Variants in MACROD2 observed in about 807,000 individuals in gnomAD.
MACROD2 encodes ADP-ribose glycohydrolase MACROD2.
Under a neutral mutation model 70.4 loss-of-function variants are expected in MACROD2, and 36 were observed. That is an observed-to-expected ratio of 0.51 (90% confidence interval 0.39 to 0.68). The LOEUF is 0.68. MACROD2 is among the 30% of genes least tolerant of loss of function. MACROD2 has a pLI of 0.00. For synonymous variants in MACROD2, 172 were observed against 178.8 expected (o/e 0.96, Z 0.30); for missense variants, 496 against 538.4 (o/e 0.92, Z 0.78).
chr20:15,534,986 G>GT (rs945816371), intron 8 of MACROD2, among the ~76,000 whole-genome samples: 1 of 151,916 alleles, frequency 6.6e-6, no homozygotes, highest in African/African-American at 2.4e-5. Context: ...ATATATATAT[G>GT]TTTTTTTGAG....
chr20:15,774,371 C>G (rs1404427306), intron 8 of MACROD2, among the ~76,000 whole-genome samples: 2 of 152,176 alleles, frequency 1.3e-5, no homozygotes, highest in Non-Finnish European at 2.9e-5. Flanking sequence ...CTCTCAGTGA[C>G]TCTTATTTAG....
rs772658447 is a variant in MACROD2, at chr20:16,049,860, G to T, written c.1331G>T (p.Arg444Ile). 3 of 1,554,346 alleles carry T rather than the reference G, an allele frequency of 1.9e-6. No homozygotes were observed. Among genetic ancestry groups the T allele is most frequent in the East Asian group, 2.5e-5 (1 of 40,124 alleles). ...AGAQDEAKEQ[R>I]NGTK ...GCACAAGATGAAGCGAAGGAACAAA[G>T]AAATGGAACTAAATGACAATCCTCA... Residue 444 changes from arginine to isoleucine, a missense_variant, in exon 18 of 18, where the codon AGA (arginine) becomes ATA (isoleucine). Coordinates refer to ENST00000684519, the MANE Select transcript of MACROD2 (RefSeq NM_001351661.2).
chr20:15,904,621 G>A (rs920541213), intron 10 of MACROD2, among the ~76,000 whole-genome samples: 4 of 151,892 alleles, frequency 2.6e-5, no homozygotes, highest in African/African-American at 4.8e-5. Context: ...GGCCAGGCGC[G>A]GTGGCTCACG....
At chr20:15,700,694 T>G (rs1447162142) in intron 8 of MACROD2, among the ~76,000 whole-genome samples, 1 of 152,192 alleles carries the variant, frequency 6.6e-6, no homozygotes, top group Non-Finnish European at 1.5e-5. Context: ...CTGTATTAGA[T>G]TAGTGGTTTT....
chr20:14,117,016 G>A (rs1335524661), intron 3 of MACROD2, among the ~76,000 whole-genome samples: 4 of 148,996 alleles, frequency 2.7e-5, no homozygotes, highest in Admixed American at 6.7e-5. Context: ...GCAGTGAGCC[G>A]AGATCGTGCC....
chr20:14,159,224 G>A (rs2055148886), intron 3 of MACROD2, among the ~76,000 whole-genome samples: 1 of 152,076 alleles, frequency 6.6e-6, no homozygotes, highest in Non-Finnish European at 1.5e-5. Context: ...GGCAACAAGA[G>A]TGAAACTCTG....
At chr20:15,169,783 C>A (rs1186713433) in intron 5 of MACROD2, among the ~76,000 whole-genome samples, 1 of 150,368 alleles carries the variant, frequency 6.7e-6, no homozygotes, top group Non-Finnish European at 1.5e-5. Flanking sequence ...TTTTTTTTTC[C>A]TTTTATCAGA....
intron 8 of MACROD2, among the ~76,000 whole-genome samples, chr20:15,750,676 G>A (rs2051255911): frequency 1.3e-5 from 2 of 151,918 alleles, no homozygotes; most frequent in Admixed American, 1.3e-4. Context: ...CATGTTTATT[G>A]CAGCCCTGTT....
intron 5 of MACROD2, among the ~76,000 whole-genome samples, chr20:14,693,452 TG>T (rs1555816803): frequency 5.9e-5 from 9 of 152,132 alleles, no homozygotes; most frequent in Non-Finnish European, 1.5e-5. Flanking sequence ...AAGTAGCAAA[TG>T]CTGAGTAAAA....
intron 5 of MACROD2, among the ~76,000 whole-genome samples, chr20:14,771,737 T>TACACACACAC (rs11472593): frequency 3.4e-4 from 49 of 145,632 alleles, no homozygotes; most frequent in African/African-American, 1.1e-3. Flanking sequence ...ATACTTATCC[T>TACACACACAC]ACACACACAC....
At chr20:15,709,978 A>G (rs1412983262) in intron 8 of MACROD2, among the ~76,000 whole-genome samples, 1 of 151,988 alleles carries the variant, frequency 6.6e-6, no homozygotes, top group Non-Finnish European at 1.5e-5. Flanking sequence ...CCACTGTTCT[A>G]CTCTCTACTT....
chr20:14,495,093 A>G (rs1370108255), intron 4 of MACROD2, among the ~76,000 whole-genome samples: 1 of 152,190 alleles, frequency 6.6e-6, no homozygotes, highest in Non-Finnish European at 1.5e-5. Context: ...GACTAATTAT[A>G]TTAGTTAAAA....
intron 8 of MACROD2, among the ~76,000 whole-genome samples, chr20:15,501,525 A>G (rs1302320169): frequency 1.3e-5 from 2 of 152,188 alleles, no homozygotes; most frequent in African/African-American, 2.4e-5. Flanking sequence ...GAAATTTTCT[A>G]ATCTAGTGTT....
chr20:15,231,033 T>A (rs2145983781), intron 6 of MACROD2, among the ~76,000 whole-genome samples: 1 of 152,176 alleles, frequency 6.6e-6, no homozygotes, highest in South Asian at 2.1e-4. Flanking sequence ...CATGAAGAAA[T>A]TTTGAGAAGC....
intron 6 of MACROD2, among the ~76,000 whole-genome samples, chr20:15,319,326 G>A (rs867326427): frequency 2.0e-5 from 3 of 152,074 alleles, no homozygotes; most frequent in Non-Finnish European, 4.4e-5. Flanking sequence ...TAAATGGAAG[G>A]CATCTAATGC....
At chr20:15,264,615 C>A (rs993828515) in intron 6 of MACROD2, among the ~76,000 whole-genome samples, 6 of 152,130 alleles carry the variant, frequency 3.9e-5, no homozygotes, top group African/African-American at 1.4e-4. Flanking sequence ...ACACTGCAGA[C>A]AAAGGATGTC....
chr20:16,020,449 T>A (rs1240612681), intron 15 of MACROD2, among the ~76,000 whole-genome samples: 1 of 151,932 alleles, frequency 6.6e-6, no homozygotes, highest in Non-Finnish European at 1.5e-5. Context: ...TAATTCAGAA[T>A]AATCCTTAAT....
At chr20:14,194,601 C>T (rs1478237247) in intron 3 of MACROD2, among the ~76,000 whole-genome samples, 1 of 152,158 alleles carries the variant, frequency 6.6e-6, no homozygotes, top group East Asian at 1.9e-4. Flanking sequence ...TCTAACTCCA[C>T]TGAAGACAGG....
intron 3 of MACROD2, among the ~76,000 whole-genome samples, chr20:14,342,925 A>G (rs1217684801): frequency 6.6e-6 from 1 of 151,912 alleles, no homozygotes; most frequent in Non-Finnish European, 1.5e-5. Flanking sequence ...CCCAACACTC[A>G]TGTTGGACTG....
Sources: allele counts gnomAD v4.1 joint callset (sites outside exome capture counted in the v4.1 genomes callset), GRCh38; gene constraint gnomAD v4.1.1; transcripts MANE v1.5; gene names NCBI Gene and HGNC (gene_info 2026-07-23, HGNC 2026-07-21).